The following NEB variants were observed in gnomAD, a reference collection of about 807,000 sequenced individuals.
NEB encodes nebulin, also known as nemaline myopathy type 2.
NEB carries 512 observed loss-of-function variants against 952.2 expected under a neutral mutation model. The ratio of observed to expected loss-of-function variants is 0.54; its 90% confidence interval spans 0.50 to 0.58. NEB has a LOEUF of 0.58. Ranked by LOEUF, NEB falls within the 20% of genes least tolerant of loss-of-function variation. NEB has a pLI of 0.00. For synonymous variants in NEB, 2,900 were observed against 3,149.8 expected (o/e 0.92, Z 2.66); for missense variants, 8,428 against 9,231.1 (o/e 0.91, Z 3.56).
At chr2:151,519,511 T>C (rs114269303) in intron 154 of NEB, 147 bp downstream of exon 154, 10,798 of 661,192 alleles carry the variant, frequency 0.016, 159 homozygotes, top group Non-Finnish European at 0.018. Flanking sequence ...ATGGTTATAG[T>C]TTCTGTTGGT....
In NEB at chr2:151,563,898, C is replaced by G; in HGVS notation, c.18504G>C (p.Lys6168Asn). ...GCTCATCCAGGGTGTAGCCATAGGC[C>G]TTGGTGCCCTCCCACGCCCCTTTAT... ...ILYKGAWEGT[K>N]AYGYTLDERY... The change falls in exon 118 of 182, where the codon AAG (lysine) becomes AAC (asparagine). Residue 6168 changes from lysine to asparagine, a missense_variant. By Grantham distance (94) the Lys-to-Asn change is moderately conservative (BLOSUM62 0). Coordinates refer to ENST00000397345, the MANE Select transcript of NEB (RefSeq NM_001164508.2). 1 of 1,611,828 alleles carries G rather than the reference C, an allele frequency of 6.2e-7. No homozygotes were observed. Among genetic ancestry groups the G allele is most frequent in the East Asian group, 2.2e-5 (1 of 44,718 alleles).
rs769388036 is a variant in NEB, at chr2:151,531,019, C to T, written c.21605G>A (p.Arg7202His). The T allele has an allele frequency of 8.1e-6, 13 of 1,612,706 alleles. No homozygotes were observed. The highest frequency in any genetic ancestry group is 5.3e-5 in the African/African-American group (4 of 74,898). Reference sequence around the variant, plus strand: ...ATCACTGACTTCATCTTTAACCTTGCGGACATGCAGCAACATGGGTGTGTC... The same window carrying T: ...ATCACTGACTTCATCTTTAACCTTGTGGACATGCAGCAACATGGGTGTGTC... ...IHDTPMLLHV[R>H]KVKDEVSDLK... is the part of the protein sequence containing the mutation. The change falls in exon 145 of 182, where the codon CGC becomes CAC. Residue 7202 changes from arginine (R) to histidine (H), a missense_variant. Coordinates refer to ENST00000397345, the MANE Select transcript of NEB (RefSeq NM_001164508.2).
rs2153702177 is a variant in NEB, at chr2:151,561,022, C to T, written c.19188G>A (p.Leu6396=). The T allele has an allele frequency of 1.9e-6, 3 of 1,606,166 alleles. No homozygotes were observed. In the South Asian group the frequency reaches 3.3e-5, roughly 18 times the overall value. Reference sequence around the variant, plus strand: ...AACTCACACTGCTGTAAAGATTCTTCAGGTTTCTGGTTCTGTCATAATCCA... The same window carrying T: ...AACTCACACTGCTGTAAAGATTCTTTAGGTTTCTGGTTCTGTCATAATCCA... The part of the protein sequence containing the change: ...ETVDYDRTRN[L]KNLYSSNLYK... The change falls in exon 123 of 182, where the codon CTG becomes CTA. Residue 6396 remains leucine, a synonymous_variant. Coordinates refer to ENST00000397345, the MANE Select transcript of NEB (RefSeq NM_001164508.2).
chr2:151,493,313 C>T (rs954735053), intron 176 of NEB, 40 bp downstream of exon 176: 11 of 1,432,050 alleles, frequency 7.7e-6, no homozygotes, highest in Non-Finnish European at 1.1e-5. Flanking sequence ...ATGTTATTTT[C>T]CAAGTTGTTG....
intron 153 of NEB, among the ~76,000 whole-genome samples, chr2:151,521,936 G>GAT (rs1422417466): frequency 6.6e-6 from 1 of 152,242 alleles, no homozygotes; most frequent in East Asian, 1.9e-4. Flanking sequence ...AGGACTCTAG[G>GAT]AATTCTTGGA....
intron 74 of NEB, 88 bp downstream of exon 74, chr2:151,618,187 A>G: frequency 1.7e-6 from 2 of 1,208,698 alleles, no homozygotes; most frequent in Non-Finnish European, 2.4e-6. Context: ...AATGCTTATT[A>G]TTATCTTTAA....
chr2:151,715,963 A>G (rs1169441854), intron 10 of NEB, among the ~76,000 whole-genome samples: 1 of 152,218 alleles, frequency 6.6e-6, no homozygotes, highest in African/African-American at 2.4e-5. Context: ...AATAAGGCAA[A>G]AGAATGTTTC....
In NEB at chr2:151,646,239, A is replaced by T. The variant is rs534770042; in HGVS notation, c.7432-5T>A. On this transcript the variant is annotated splice_region_variant and splice_polypyrimidine_tract_variant and intron_variant, in intron 54 of 181. Transcript: ENST00000397345. The stretch of plus-strand genomic sequence containing the variant: ...CCAAGCTTCTCTATAAAGTCTCTAA[A>T]ATAAGAAATAATAATTTTTCAGTGG... The T allele has an allele frequency of 1.3e-6, 2 of 1,551,432 alleles. No individual in the cohort carries two copies. Among genetic ancestry groups the T allele is most frequent in the Non-Finnish European group, 1.8e-6 (2 of 1,140,804 alleles).
chr2:151,504,035 A>G (rs182828710), intron 165 of NEB, among the ~76,000 whole-genome samples: 1 of 152,270 alleles, frequency 6.6e-6, no homozygotes, highest in African/African-American at 2.4e-5. Context: ...CTGAATTGGG[A>G]GAAGTCCATA....
intron 168 of NEB, 105 bp from the exon 169 acceptor site, chr2:151,499,495 A>AAGAC (rs2062819206): frequency 4.5e-6 from 3 of 666,850 alleles, no homozygotes; most frequent in East Asian, 2.9e-5. Flanking sequence ...TCAGACAGAA[A>AAGAC]AGACAGATTC....
chr2:151,688,569 T>C (rs754874791), intron 24 of NEB, among the ~76,000 whole-genome samples, 173 bp from the exon 25 acceptor site: 2 of 152,192 alleles, frequency 1.3e-5, no homozygotes, highest in Non-Finnish European at 2.9e-5. Context: ...TCAGGGACTG[T>C]GGCACAGTCC....
intron 114 of NEB, among the ~76,000 whole-genome samples, chr2:151,566,837 AT>A (rs2096423320): frequency 6.6e-6 from 1 of 152,176 alleles, no homozygotes; most frequent in African/African-American, 2.4e-5. Flanking sequence ...CTCATTCTCA[AT>A]TCCCACCCAA....
At chr2:151,723,134 G>A (rs1296760223) in intron 9 of NEB, among the ~76,000 whole-genome samples, 2 of 152,130 alleles carry the variant, frequency 1.3e-5, no homozygotes, top group Non-Finnish European at 2.9e-5. Context: ...ACTAACTAAT[G>A]TGACCCCAGA....
At position 151,690,565 on chromosome 2, in the gene NEB, A is replaced by C. The variant is rs1206234893; in HGVS notation, c.2310+162T>G. 8 of 623,396 alleles carry C rather than the reference A, an allele frequency of 1.3e-5. No homozygotes were observed. In the African/African-American group the frequency reaches 1.5e-4, roughly 12 times the overall value. The allele number at this position is 623,396 out of a possible 1,614,324, so 38.6% of individuals were successfully genotyped here. ...CTAACACAACTTTCCTCAGGCTGCA[A>C]TTCAATCTAGCAGCCTCATTTGTGT... On this transcript the variant is annotated intron_variant, in intron 24 of 181. Coordinates refer to ENST00000397345, the MANE Select transcript of NEB (RefSeq NM_001164508.2).
rs771038288 is a variant in NEB, at chr2:151,547,685, G to C, written c.20211C>G (p.Pro6737=). Residue 6737 remains proline (P), a synonymous_variant, in exon 132 of 182, where the codon CCC becomes CCG. Coordinates refer to ENST00000397345, the MANE Select transcript of NEB (RefSeq NM_001164508.2). ...HKLKDKIHTT[P]DTPEIRQVKK... ...TGACTTGGCGGATCTCAGGGGTATC[G>C]GGAGTTGTATGGATCTTGTCTTTCA... 6.2e-7 allele frequency: 1 copy of C among 1,613,642 alleles called. No homozygotes were observed.
At chr2:151,527,075 G>T in intron 147 of NEB, 53 bp from the exon 148 acceptor site, 1 of 1,240,652 alleles carries the variant, frequency 8.1e-7, no homozygotes, top group Non-Finnish European at 1.2e-6. Context: ...ACAGGAGGAA[G>T]CTGGGCATTT....
intron 167 of NEB, among the ~76,000 whole-genome samples, chr2:151,502,565 A>G (rs1236726975): frequency 1.3e-5 from 2 of 152,124 alleles, no homozygotes; most frequent in Non-Finnish European, 2.9e-5. Flanking sequence ...GGAAGAAAAC[A>G]GAGTATTACA....
At chr2:151,675,946 C>G (rs921387309) in intron 34 of NEB, among the ~76,000 whole-genome samples, 1 of 152,138 alleles carries the variant, frequency 6.6e-6, no homozygotes. Context: ...ATTATATACA[C>G]TTTTGACTGA....
At position 151,639,301 on chromosome 2, in the gene NEB, C is replaced by T. The variant is rs762330809; in HGVS notation, c.8973G>A (p.Met2991Ile). 1.3e-6 allele frequency: 2 copies of T among 1,541,832 alleles called. No individual in the cohort carries two copies. The highest frequency in any genetic ancestry group is 3.9e-5 in the Admixed American group (2 of 50,984). ...TCACCTCACTGTAGTTGATTTTGTTCATTCTTGCCAACATAATTTCTGGTG... is the reference window on the plus strand; with the variant it reads ...TCACCTCACTGTAGTTGATTTTGTTTATTCTTGCCAACATAATTTCTGGTG... ...PDTPEIMLAR[M>I]NKINYSESLY... The change falls in exon 63 of 182, where the codon ATG becomes ATA. Residue 2991 changes from methionine to isoleucine, a missense_variant. Met to Ile is a conservative substitution (Grantham distance 10). Around this residue, in one of 11 missense-constraint regions of NEB, gnomAD observed 1,772 missense variants for 1,960.3 expected, o/e 0.90. Transcript: ENST00000397345.
Sources: gnomAD v4.1 joint callset for allele counts (sites outside exome capture counted in the v4.1 genomes callset) on GRCh38, gnomAD v4.1.1 for gene constraint, gnomAD v4.1.1 regional missense constraint, MANE v1.5 for transcripts, NCBI Gene and HGNC (gene_info 2026-07-23, HGNC 2026-07-21) for gene names.